ETS1: variants seen among roughly 807,000 people sequenced by gnomAD.
The protein encoded by ETS1 is protein C-ets-1.
In ETS1, 15 loss-of-function variants were observed where a neutral mutation model predicts 58.6. The ratio of observed to expected loss-of-function variants is 0.26; its 90% confidence interval spans 0.17 to 0.39. The LOEUF is 0.39. Among genes scored for constraint, ETS1 ranks in the 10% least tolerant of loss-of-function variants. The pLI is 1.00. For synonymous variants in ETS1, 214 were observed against 218.2 expected, an observed-to-expected ratio of 0.98 and a Z score of 0.17; for missense variants, 417 against 610.5, an observed-to-expected ratio of 0.68 and a Z score of 3.34.
At chr11:128,565,927 TC>T (rs1401434956) in intron 2 of ETS1, among the ~76,000 whole-genome samples, 2 of 152,114 alleles carry the variant, frequency 1.3e-5, no homozygotes, top group Non-Finnish European at 2.9e-5. Context: ...TGTGAACACA[TC>T]CAATGACTGG....
intron 3 of ETS1, among the ~76,000 whole-genome samples, chr11:128,532,589 C>A (rs1176913899): frequency 6.6e-6 from 1 of 152,088 alleles, no homozygotes; most frequent in African/African-American, 2.4e-5. Flanking sequence ...TTGCCCTTTC[C>A]AACAACCAGA....
chr11:128,550,950 GTCT>G (rs1448007559), intron 3 of ETS1, among the ~76,000 whole-genome samples: 2 of 152,162 alleles, frequency 1.3e-5, no homozygotes, highest in Admixed American at 6.5e-5. Context: ...CTCCCTGTAA[GTCT>G]TCTCTAAGAA....
At chr11:128,519,618 G>A (rs368632250) in intron 3 of ETS1, among the ~76,000 whole-genome samples, 10 of 152,176 alleles carry the variant, frequency 6.6e-5, no homozygotes, top group African/African-American at 1.9e-4. Context: ...CAGAAACACC[G>A]TTTCTCCCAT....
chr11:128,494,174 C>T (rs899571115), intron 3 of ETS1, among the ~76,000 whole-genome samples: 3 of 152,158 alleles, frequency 2.0e-5, no homozygotes, highest in East Asian at 1.9e-4. Flanking sequence ...ATTCAAATAA[C>T]GTATTTGTTT....
chr11:128,515,259 C>G (rs1187890368), intron 3 of ETS1, among the ~76,000 whole-genome samples: 1 of 151,284 alleles, frequency 6.6e-6, no homozygotes, highest in Non-Finnish European at 1.5e-5. Context: ...CTGTCACACA[C>G]ACACACACAC....
intron 3 of ETS1, among the ~76,000 whole-genome samples, chr11:128,515,804 A>C (rs1194221814): frequency 6.6e-6 from 1 of 152,172 alleles, no homozygotes; most frequent in African/African-American, 2.4e-5. Context: ...ATCTGGGTCA[A>C]TATTCCACAA....
intron 8 of ETS1, among the ~76,000 whole-genome samples, chr11:128,471,202 CA>C (rs1461890064): frequency 6.6e-6 from 1 of 152,224 alleles, no homozygotes; most frequent in Non-Finnish European, 1.5e-5. Context: ...CTTGTCCAGC[CA>C]TCAGGGCCCA....
chr11:128,585,877 C>T (rs1865021843), intron 1 of ETS1, among the ~76,000 whole-genome samples: 1 of 152,210 alleles, frequency 6.6e-6, no homozygotes, highest in Non-Finnish European at 1.5e-5. Context: ...AGCGCTGGTT[C>T]AAGTTCTGAC....
At chr11:128,495,382 C>A (rs557436230) in intron 3 of ETS1, among the ~76,000 whole-genome samples, 1 of 152,220 alleles carries the variant, frequency 6.6e-6, no homozygotes, top group South Asian at 2.1e-4. Context: ...AAAACTATTC[C>A]AAGAAACCCA....
chr11:128,542,737 G>A (rs1260669129), intron 3 of ETS1, among the ~76,000 whole-genome samples: 4 of 152,164 alleles, frequency 2.6e-5, no homozygotes, highest in Non-Finnish European at 4.4e-5. Context: ...AAAGCAGTGA[G>A]CTCAGTTTTA....
At chr11:128,489,140 T>C (rs893521040) in intron 5 of ETS1, 150 bp downstream of exon 5, 21 of 697,538 alleles carry the variant, frequency 3.0e-5, no homozygotes, top group Non-Finnish European at 5.2e-5. Flanking sequence ...TGCTGTATGC[T>C]GAGCAGTGTA....
At chr11:128,509,581 T>C (rs1863337371) in intron 3 of ETS1, among the ~76,000 whole-genome samples, 1 of 140,826 alleles carries the variant, frequency 7.1e-6, no homozygotes, top group Admixed American at 7.3e-5. Context: ...TTTTTTACTT[T>C]CCCACTACTA....
chr11:128,564,392 GA>G (rs1864455777), intron 2 of ETS1, among the ~76,000 whole-genome samples: 1 of 152,198 alleles, frequency 6.6e-6, no homozygotes, highest in African/African-American at 2.4e-5. Flanking sequence ...GGTTTCTGCA[GA>G]AAAAATTCTG....
At chr11:128,581,029 T>G (rs1169961519) in intron 1 of ETS1, among the ~76,000 whole-genome samples, 1 of 152,154 alleles carries the variant, frequency 6.6e-6, no homozygotes, top group Non-Finnish European at 1.5e-5. Flanking sequence ...CGCTACTATC[T>G]CCTGAAAAAG....
chr11:128,489,177 C>T (rs1388927432), intron 5 of ETS1, 113 bp downstream of exon 5: 3 of 852,396 alleles, frequency 3.5e-6, no homozygotes, highest in Non-Finnish European at 6.0e-6. Context: ...ATACGTCCTA[C>T]AGTAGGACAC....
chr11:128,489,553 G>C, intron 4 of ETS1, 63 bp from the exon 5 acceptor site: 1 of 1,339,952 alleles, frequency 7.5e-7, no homozygotes, highest in Admixed American at 1.7e-5. Flanking sequence ...CCAAGCCTCA[G>C]AGAGGACACT....
chr11:128,534,725 G>C (rs1439464277), intron 3 of ETS1, among the ~76,000 whole-genome samples: 9 of 152,028 alleles, frequency 5.9e-5, no homozygotes, highest in Non-Finnish European at 1.3e-4. Context: ...TGGCTTCCAG[G>C]TCCATCCATG....
intron 7 of ETS1, 124 bp from the exon 8 acceptor site, chr11:128,480,575 G>T (rs991925435): frequency 1.5e-6 from 1 of 681,598 alleles, no homozygotes; most frequent in Non-Finnish European, 2.5e-6. Flanking sequence ...GACGGAAGAA[G>T]GGAGAGGCGA....
intron 6 of ETS1, among the ~76,000 whole-genome samples, chr11:128,485,431 T>A (rs1191241629): frequency 2.0e-5 from 3 of 152,166 alleles, no homozygotes; most frequent in African/African-American, 7.2e-5. Flanking sequence ...GGAATAAAAA[T>A]TGTAATAACG....
Sources: allele counts gnomAD v4.1 joint callset (sites outside exome capture counted in the v4.1 genomes callset), GRCh38; gene constraint gnomAD v4.1.1; transcripts MANE v1.5; gene names NCBI Gene and HGNC (gene_info 2026-07-23, HGNC 2026-07-21).